The following EBF1 variants were observed in gnomAD, a reference collection of about 807,000 sequenced individuals.
EBF1 encodes the protein transcription factor COE1.
Under a neutral mutation model 68.4 loss-of-function variants are expected in EBF1, and 10 were observed. The observed-to-expected ratio is 0.15, with a 90% CI of 0.09 to 0.25. The LOEUF (loss-of-function observed/expected upper bound fraction) is 0.25, where lower values mean the gene tolerates loss of function less well. Ranked by LOEUF, EBF1 falls within the 10% of genes least tolerant of loss-of-function variation. The pLI is 1.00. For synonymous variants in EBF1, 298 were observed against 299.8 expected (o/e 0.99, Z 0.06); for missense variants, 509 against 794.4 (o/e 0.64, Z 4.32).
chr5:158,730,943 C>G lies in EBF1; in HGVS notation c.1125+126G>C, dbSNP rs911013545. ...ACTTTTATTATTGCTTACCTTACAG[C>G]ACCAAACACACAAAACACAAAAATA... On this transcript the variant is annotated intron_variant, in intron 11 of 15. Transcript: ENST00000313708. 1.0e-5 allele frequency: 8 copies of G among 792,276 alleles called. No individual in the cohort carries two copies. The African/African-American group carries it at 1.4e-4, about 14-fold the overall frequency. 49.1% of individuals were successfully genotyped at this position (792,276 alleles called of 1,614,324 possible).
At chr5:158,922,564 A>G (rs1167779482) in intron 6 of EBF1, among the ~76,000 whole-genome samples, 2 of 152,232 alleles carry the variant, frequency 1.3e-5, no homozygotes, top group Non-Finnish European at 2.9e-5. Context: ...CATTTTATAC[A>G]GAAAGGTACA....
At chr5:158,765,243 A>G (rs760285662) in intron 10 of EBF1, among the ~76,000 whole-genome samples, 1 of 152,182 alleles carries the variant, frequency 6.6e-6, no homozygotes, top group African/African-American at 2.4e-5. Context: ...GTCTTAAAAA[A>G]GTAGAGAATT....
intron 7 of EBF1, among the ~76,000 whole-genome samples, chr5:158,838,818 A>G (rs1789482237): frequency 6.6e-6 from 1 of 152,224 alleles, no homozygotes; most frequent in Admixed American, 6.5e-5. Flanking sequence ...TGTTTCCTTG[A>G]TGGACCATAT....
intron 11 of EBF1, among the ~76,000 whole-genome samples, chr5:158,728,211 C>T (rs1198777556): frequency 1.3e-5 from 2 of 152,188 alleles, no homozygotes; most frequent in African/African-American, 4.8e-5. Flanking sequence ...AGAGGACAGC[C>T]ACTCGGCTCT....
chr5:158,916,195 T>C (rs1280690289), intron 6 of EBF1, among the ~76,000 whole-genome samples: 1 of 152,220 alleles, frequency 6.6e-6, no homozygotes, highest in African/African-American at 2.4e-5. Flanking sequence ...CAAAGACTTC[T>C]TGTCCTTGAA....
At chr5:158,941,260 T>C (rs1343052386) in intron 6 of EBF1, 1 of 455,842 alleles carries the variant, frequency 2.2e-6, no homozygotes, top group Non-Finnish European at 4.4e-6. Context: ...ACCCAAACAA[T>C]GCAGACTGGA....
chr5:158,994,172 A>G (rs183551177), intron 6 of EBF1, among the ~76,000 whole-genome samples: 37 of 152,310 alleles, frequency 2.4e-4, no homozygotes, highest in African/African-American at 8.4e-4. Context: ...CTACATCTCT[A>G]TCCCACCAAC....
intron 10 of EBF1, among the ~76,000 whole-genome samples, chr5:158,738,303 A>G (rs942799176): frequency 6.6e-6 from 1 of 152,254 alleles, no homozygotes; most frequent in African/African-American, 2.4e-5. Context: ...AGCATTTATA[A>G]TAAGCACTTC....
chr5:159,072,416 GT>G (rs200693447), intron 6 of EBF1, among the ~76,000 whole-genome samples: 6 of 151,294 alleles, frequency 4.0e-5, no homozygotes, highest in East Asian at 1.9e-4. Flanking sequence ...AGAAAGATGG[GT>G]TTTTTTTTCT....
chr5:159,030,533 G>A (rs763127126), intron 6 of EBF1, among the ~76,000 whole-genome samples: 32 of 152,142 alleles, frequency 2.1e-4, no homozygotes, highest in African/African-American at 5.8e-4. Context: ...CTGCAGAGGC[G>A]AGCCTTTGTG....
rs181753259 is a variant in EBF1 at position 158,917,131 on chromosome 5, C to T, written c.555-77021G>A. Reference sequence around the variant, plus strand: ...TAAAAACTGTTAGCTCTTTGACACTCAATAAAAGAAACAAACAAGAAACCA... The same window carrying T: ...TAAAAACTGTTAGCTCTTTGACACTTAATAAAAGAAACAAACAAGAAACCA... On this transcript the variant is annotated intron_variant, in intron 6 of 15. Coordinates refer to ENST00000313708, the MANE Select transcript of EBF1 (RefSeq NM_024007.5). 1.6e-3 allele frequency among the ~76,000 whole-genome samples: 240 copies of T among 152,272 alleles called. 1 individual carries two copies. The highest frequency in any genetic ancestry group is 5.5e-3 in the African/African-American group (228 of 41,554).
intron 6 of EBF1, among the ~76,000 whole-genome samples, chr5:158,877,423 C>G (rs754277591): frequency 6.6e-6 from 1 of 152,092 alleles, no homozygotes; most frequent in Non-Finnish European, 1.5e-5. Flanking sequence ...GCAAAAATTT[C>G]TCTCATACTT....
chr5:158,815,484 C>T (rs1331558643), intron 8 of EBF1, among the ~76,000 whole-genome samples: 2 of 151,816 alleles, frequency 1.3e-5, no homozygotes, highest in Non-Finnish European at 2.9e-5. Context: ...ATGGTGCTGG[C>T]ATATATAGTA....
Position 158,989,972 on chromosome 5 carries a change from G to A in EBF1, c.554+83424C>T, listed in dbSNP as rs571247344. ...GGAAAAGACAACGAGAATACAAGATGGAAAATGATGAGTGTTATGAGACAT... is the reference window on the plus strand; with the variant it reads ...GGAAAAGACAACGAGAATACAAGATAGAAAATGATGAGTGTTATGAGACAT... On this transcript the variant is annotated intron_variant, in intron 6 of 15. Transcript: ENST00000313708. Among the ~76,000 whole-genome samples the A allele has an allele frequency of 2.0e-5, 3 of 152,238 alleles. No homozygotes were observed. In the East Asian group the frequency reaches 5.8e-4, roughly 29 times the overall value.
Position 158,840,115 on chromosome 5 carries a change from G to GA in EBF1, c.555-6dup, listed in dbSNP as rs1789856285. On this transcript the variant is annotated splice_region_variant and splice_polypyrimidine_tract_variant and intron_variant, in intron 6 of 15. Transcript: ENST00000313708. ...AGGAAAAATTTCAAGAAGAACCTGT[G>GA]AAGAAACAAATCATCATGGTTAGCA... is the stretch of plus-strand genomic sequence containing the variant. 1 of 1,611,700 alleles carries GA rather than the reference G, an allele frequency of 6.2e-7. No homozygotes were observed. Among genetic ancestry groups the GA allele is most frequent in the Admixed American group, 1.7e-5 (1 of 59,998 alleles).
intron 6 of EBF1, among the ~76,000 whole-genome samples, chr5:159,044,716 G>A (rs1233278749): frequency 6.6e-6 from 1 of 152,172 alleles, no homozygotes; most frequent in Non-Finnish European, 1.5e-5. Context: ...ATTACTCACT[G>A]TTGTTGTCAT....
intron 11 of EBF1, among the ~76,000 whole-genome samples, chr5:158,720,672 A>C (rs533047374): frequency 6.6e-6 from 1 of 152,200 alleles, no homozygotes; most frequent in Non-Finnish European, 1.5e-5. Flanking sequence ...CTCTTTCCTT[A>C]GAAGCCCTAT....
chr5:158,776,824 T>C (rs957219857), intron 10 of EBF1, among the ~76,000 whole-genome samples: 2 of 152,164 alleles, frequency 1.3e-5, no homozygotes, highest in Non-Finnish European at 2.9e-5. Flanking sequence ...GCCTTTATAC[T>C]TGATGTCATT....
At chr5:159,041,313 G>C (rs1771157185) in intron 6 of EBF1, among the ~76,000 whole-genome samples, 2 of 152,152 alleles carry the variant, frequency 1.3e-5, no homozygotes, top group Non-Finnish European at 2.9e-5. Context: ...CTGAACACAG[G>C]GTGCAGATTC....
Sources: gnomAD v4.1 joint callset for allele counts (sites outside exome capture counted in the v4.1 genomes callset) on GRCh38, gnomAD v4.1.1 for gene constraint, MANE v1.5 for transcripts, NCBI Gene and HGNC (gene_info 2026-07-23, HGNC 2026-07-21) for gene names.